ABCC4: variants seen among roughly 807,000 people sequenced by gnomAD.
ABCC4 encodes ATP-binding cassette sub-family C member 4.
In ABCC4, 102 loss-of-function variants were observed where a neutral mutation model predicts 168.5. That is an observed-to-expected ratio of 0.61 (90% CI 0.52 to 0.71). The LOEUF (loss-of-function observed/expected upper bound fraction) is 0.71, where lower values mean the gene tolerates loss of function less well. Ranked by LOEUF, ABCC4 falls within the 30% of genes least tolerant of loss-of-function variation. ABCC4 has a pLI of 0.00. For missense variants in ABCC4, 1,402 were observed against 1,605.8 expected (o/e 0.87, Z 2.17); for synonymous variants, 617 against 590.7 (o/e 1.04, Z -0.65).
chr13:95,286,378 C>A (rs2041257465), intron 1 of ABCC4, among the ~76,000 whole-genome samples: 2 of 151,956 alleles, frequency 1.3e-5, no homozygotes, highest in African/African-American at 4.8e-5. Flanking sequence ...CCTCGGCCTC[C>A]CAAAGTGCTG....
intron 20 of ABCC4, among the ~76,000 whole-genome samples, chr13:95,085,027 A>G (rs571338726): frequency 9.1e-4 from 139 of 152,330 alleles, no homozygotes; most frequent in Admixed American, 1.4e-3. Context: ...TTGCTTCTTG[A>G]GAAGGATAGA....
At chr13:95,192,389 G>A (rs1000967692) in intron 9 of ABCC4, among the ~76,000 whole-genome samples, 2 of 152,094 alleles carry the variant, frequency 1.3e-5, no homozygotes, top group Admixed American at 6.5e-5. Context: ...CCAAGACAAG[G>A]CCAGAAAACA....
At chr13:95,027,414 T>G (rs2031603350) in intron 30 of ABCC4, among the ~76,000 whole-genome samples, 1 of 152,218 alleles carries the variant, frequency 6.6e-6, no homozygotes, top group Non-Finnish European at 1.5e-5. Context: ...TTTTCTTCTA[T>G]TCCATTGTAT....
At chr13:95,272,893 A>G (rs1594420989) in intron 1 of ABCC4, among the ~76,000 whole-genome samples, 1 of 149,904 alleles carries the variant, frequency 6.7e-6, no homozygotes, top group African/African-American at 2.5e-5. Context: ...GTCTCAAAAA[A>G]TAAAAAAATA....
In ABCC4 at chr13:95,214,884, CAAAAA is replaced by C. The variant is rs60962674; in HGVS notation, c.532-4108_532-4104del. ...CTGGGTGATAGGTGAGACTCCAATT[CAAAAA>C]AAAAAAAAAAAAAACACCTGTCAAC... is the stretch of plus-strand genomic sequence containing the variant. On this transcript the variant is annotated intron_variant, in intron 4 of 30. Transcript: ENST00000645237. Among the ~76,000 whole-genome samples, 20 of 88,608 alleles carry C rather than the reference CAAAAA, an allele frequency of 2.3e-4. No homozygotes were observed. The East Asian group carries it at 6.1e-3, about 27-fold the overall frequency. The allele number at this position is 88,608 out of a possible 152,430, so 58.1% of individuals were successfully genotyped here.
chr13:95,028,035 T>G (rs1006985218), intron 30 of ABCC4, among the ~76,000 whole-genome samples: 1 of 151,078 alleles, frequency 6.6e-6, no homozygotes, highest in African/African-American at 2.4e-5. Context: ...CAGTGTGGAT[T>G]TAGGACCAAA....
chr13:95,113,742 G>T (rs528566334), intron 20 of ABCC4, among the ~76,000 whole-genome samples: 8 of 152,118 alleles, frequency 5.3e-5, no homozygotes, highest in African/African-American at 1.7e-4. Flanking sequence ...CCCACTCATC[G>T]AATGCAAATC....
intron 20 of ABCC4, among the ~76,000 whole-genome samples, chr13:95,097,433 CAG>C (rs150899714): frequency 2.1e-4 from 31 of 150,194 alleles, no homozygotes; most frequent in African/African-American, 1.9e-4. Context: ...ACTGTAAATA[CAG>C]AGAGAGAGAG....
At chr13:95,288,702 A>C (rs1283207472) in intron 1 of ABCC4, among the ~76,000 whole-genome samples, 1 of 152,060 alleles carries the variant, frequency 6.6e-6, no homozygotes, top group Non-Finnish European at 1.5e-5. Flanking sequence ...GCTACTCGGG[A>C]GGCTGAGGCA....
chr13:95,025,208 A>ACC (rs1254150411), intron 30 of ABCC4, among the ~76,000 whole-genome samples: 3 of 31,712 alleles, frequency 9.5e-5, no homozygotes, highest in African/African-American at 1.4e-4. Flanking sequence ...ACACCCCCAC[A>ACC]CCCCCCACAC....
intron 30 of ABCC4, among the ~76,000 whole-genome samples, chr13:95,028,284 A>C (rs1477417225): frequency 6.6e-6 from 1 of 152,224 alleles, no homozygotes; most frequent in Admixed American, 6.5e-5. Context: ...AACAAAGTAG[A>C]ACTAATTAAA....
In ABCC4 at chr13:95,146,183, C is replaced by T. The variant is rs142968280; in HGVS notation, c.2455+15006G>A. Among the ~76,000 whole-genome samples, 194 of 149,482 alleles carry T rather than the reference C, an allele frequency of 1.3e-3. 1 individual carries two copies. Among genetic ancestry groups the T allele is most frequent in the African/African-American group, 4.7e-3 (188 of 40,416 alleles). On this transcript the variant is annotated intron_variant, in intron 19 of 30. Transcript: ENST00000645237. ...CCAAGATTGCGCCACTGCACTCCAG[C>T]CTGAGTGACAGAGCAAGACTCTCTC...
intron 26 of ABCC4, among the ~76,000 whole-genome samples, 176 bp from the exon 27 acceptor site, chr13:95,053,360 G>C (rs749116709): frequency 1.3e-5 from 2 of 152,088 alleles, no homozygotes; most frequent in Non-Finnish European, 2.9e-5. Context: ...TGTACAAAGC[G>C]TGCTCCAAAA....
intron 20 of ABCC4, among the ~76,000 whole-genome samples, chr13:95,112,811 G>C (rs1217592976): frequency 6.6e-6 from 1 of 152,046 alleles, no homozygotes; most frequent in Non-Finnish European, 1.5e-5. Context: ...AACCTAACGA[G>C]AGCCATCAAA....
intron 20 of ABCC4, among the ~76,000 whole-genome samples, chr13:95,106,231 A>G (rs894576049): frequency 1.3e-5 from 2 of 152,010 alleles, no homozygotes; most frequent in Non-Finnish European, 2.9e-5. Context: ...TACAGCCACA[A>G]ATGTTATTTT....
At chr13:95,029,174 A>C (rs7334613) in intron 30 of ABCC4, among the ~76,000 whole-genome samples, 10,529 of 21,774 alleles carry the variant, frequency 0.48, 890 homozygotes, top group Admixed American at 0.55. Flanking sequence ...ATACATATAT[A>C]TATATATATA....
chr13:95,233,630 C>T (rs1457293761), intron 4 of ABCC4, among the ~76,000 whole-genome samples: 5 of 152,034 alleles, frequency 3.3e-5, no homozygotes, highest in Admixed American at 2.6e-4. Flanking sequence ...AAACTTGCAC[C>T]TCTACCCCTG....
At position 95,021,344 on chromosome 13, in the gene ABCC4, G is replaced by T; in HGVS notation, c.*231C>A. On this transcript the variant is annotated 3_prime_UTR_variant, in exon 31 of 31. Coordinates refer to ENST00000645237, the MANE Select transcript of ABCC4 (RefSeq NM_005845.5). ...CCTGATAGACGGCATTTAACTGGTGGCCTGCACCTCTGATTTGGATTTTAA... is the reference window on the plus strand; with the variant it reads ...CCTGATAGACGGCATTTAACTGGTGTCCTGCACCTCTGATTTGGATTTTAA... 1 of 447,318 alleles carries T rather than the reference G, an allele frequency of 2.2e-6. No homozygotes were observed. The highest frequency in any genetic ancestry group is 4.0e-6 in the Non-Finnish European group (1 of 253,136). The allele number at this position is 447,318 out of a possible 1,614,324, so 27.7% of individuals were successfully genotyped here.
At chr13:95,177,867 A>G in intron 12 of ABCC4, 74 bp from the exon 13 acceptor site, 1 of 1,514,206 alleles carries the variant, frequency 6.6e-7, no homozygotes, top group Non-Finnish European at 9.1e-7. Flanking sequence ...TGTTCATTCA[A>G]ATGCCAACAG....
Sources: allele counts gnomAD v4.1 joint callset (sites outside exome capture counted in the v4.1 genomes callset), GRCh38; gene constraint gnomAD v4.1.1; transcripts MANE v1.5; gene names NCBI Gene and HGNC (gene_info 2026-07-23, HGNC 2026-07-21).